The following CLN3 variants were observed in gnomAD, a reference collection of about 807,000 sequenced individuals.
CLN3 encodes the protein CLN3 lysosomal/endosomal transmembrane protein, battenin.
A neutral mutation model predicts 60.7 loss-of-function variants in CLN3; 49 were observed. The observed-to-expected ratio is 0.81, with a 90% confidence interval of 0.64 to 1.02. The LOEUF (loss-of-function observed/expected upper bound fraction) is 1.02, where lower values mean the gene tolerates loss of function less well. CLN3 is among the 50% of genes least tolerant of loss of function. CLN3 has a pLI of 0.00. For synonymous variants in CLN3, 256 were observed against 245.8 expected (o/e 1.04, Z -0.39); for missense variants, 516 against 557.4 (o/e 0.93, Z 0.75).
downstream of CLN3, among the ~76,000 whole-genome samples, chr16:28,475,033 T>C (rs2045980067): frequency 6.6e-6 from 1 of 152,224 alleles, no homozygotes; most frequent in Non-Finnish European, 1.5e-5. Context: ...GTGGATCACT[T>C]GAGCTCTGGA....
downstream of CLN3, among the ~76,000 whole-genome samples, chr16:28,474,506 C>G (rs750192470): frequency 6.6e-6 from 1 of 151,888 alleles, no homozygotes; most frequent in Admixed American, 6.6e-5. Context: ...TCACTTGAAC[C>G]GGGGAGACGG....
chr16:28,472,233 T>C (rs1490278460), downstream of CLN3, among the ~76,000 whole-genome samples: 1 of 151,860 alleles, frequency 6.6e-6, no homozygotes, highest in East Asian at 1.9e-4. Flanking sequence ...GGCAACATAG[T>C]GAGACACCGT....
At chr16:28,490,459 T>TA (rs2046294858) in intron 3 of CLN3, 2 of 77,454 alleles carry the variant, frequency 2.6e-5, no homozygotes, top group African/African-American at 9.7e-5. Context: ...TAAAATAAAA[T>TA]TAAAAAAAAA....
chr16:28,472,305 G>C (rs1038694825), downstream of CLN3, among the ~76,000 whole-genome samples: 2 of 151,472 alleles, frequency 1.3e-5, no homozygotes, highest in African/African-American at 4.8e-5. Context: ...GGCTGAGGCA[G>C]AGGAGCCCAG....
At chr16:28,471,835 GA>G (rs2045952327), downstream of CLN3, among the ~76,000 whole-genome samples, 7 of 151,528 alleles carry the variant, frequency 4.6e-5, no homozygotes, top group Admixed American at 4.6e-4. Flanking sequence ...ATGAGGGGGA[GA>G]AAACCAAGTT....
intron 9 of CLN3, among the ~76,000 whole-genome samples, chr16:28,485,924 C>T (rs1596560824): frequency 6.6e-6 from 1 of 152,066 alleles, no homozygotes; most frequent in East Asian, 1.9e-4. Context: ...CTATCAGAGT[C>T]CAGATTCCGC....
chr16:28,473,160 A>C (rs1426782917), downstream of CLN3, among the ~76,000 whole-genome samples: 2 of 151,012 alleles, frequency 1.3e-5, no homozygotes, highest in Admixed American at 1.3e-4. Context: ...GCTGGAGTGC[A>C]ATGGTTCAAT....
intron 14 of CLN3, among the ~76,000 whole-genome samples, chr16:28,480,631 T>C (rs1412748368): frequency 6.6e-6 from 1 of 151,994 alleles, no homozygotes. Flanking sequence ...AAACTCCTGA[T>C]CCTGACCTCA....
At chr16:28,470,588 G>T, downstream of CLN3, 3 of 53,102 alleles carry the variant, frequency 5.6e-5, no homozygotes, top group South Asian at 2.5e-4. Flanking sequence ...GGAGGGGAAG[G>T]GGAGGGGGAG....
chr16:28,481,629 A>T (rs2046097709), intron 14 of CLN3, among the ~76,000 whole-genome samples: 1 of 152,038 alleles, frequency 6.6e-6, no homozygotes, highest in Non-Finnish European at 1.5e-5. Context: ...CTGAGTACTG[A>T]AGCTCAGTTT....
intron 10 of CLN3, among the ~76,000 whole-genome samples, chr16:28,483,804 C>T (rs1009749683): frequency 2.0e-5 from 3 of 149,446 alleles, no homozygotes; most frequent in African/African-American, 7.4e-5. Flanking sequence ...GGTCCTCCTG[C>T]CTCAGCCTCC....
chr16:28,490,663 G>A (rs2046299158), intron 3 of CLN3, among the ~76,000 whole-genome samples: 1 of 150,212 alleles, frequency 6.7e-6, no homozygotes, highest in Non-Finnish European at 1.5e-5. Context: ...CGGAGGCTGA[G>A]GCAAAAGAAT....
chr16:28,491,112 AT>A (rs758947265), intron 3 of CLN3: 26 of 181,144 alleles, frequency 1.4e-4, no homozygotes, highest in Non-Finnish European at 2.3e-4. Context: ...AATTAAAAAA[AT>A]AAAAAAGTTT....
At chr16:28,475,500 T>TA (rs1336436725), downstream of CLN3, 1 of 152,270 alleles carries the variant, frequency 6.6e-6, no homozygotes, top group Non-Finnish European at 1.5e-5. Flanking sequence ...CCCAAGGTAA[T>TA]AGAGCTAGTG....
At chr16:28,491,375 T>G (rs2046310369) in intron 3 of CLN3, 107 bp downstream of exon 3, 3 of 1,455,436 alleles carry the variant, frequency 2.1e-6, no homozygotes, top group Non-Finnish European at 2.8e-6. Flanking sequence ...CAGTAAATAT[T>G]TGTGGGTTCA....
chr16:28,486,994 T>A, intron 7 of CLN3: 1 of 377,496 alleles, frequency 2.6e-6, no homozygotes, highest in East Asian at 6.1e-5. Flanking sequence ...CACTGCAACC[T>A]CTGCCTCCCA....
rs532573871 is a variant in CLN3 at position 28,477,406 on chromosome 16, C to G, written c.*110G>C. The G allele has an allele frequency of 1.1e-5, 16 of 1,479,568 alleles. No homozygotes were observed. The African/African-American group carries it at 2.2e-4, about 20-fold the overall frequency. The allele number at this position is 1,479,568 out of a possible 1,614,324, so 91.7% of individuals were successfully genotyped here. On this transcript the variant is annotated 3_prime_UTR_variant, in exon 16 of 16. Coordinates refer to ENST00000636147, the MANE Select transcript of CLN3 (RefSeq NM_001042432.2). ...AGCCCTTCCCTACTCCCAGACCTGC[C>G]GGGAAGGCTGGGAGCACAGTTCATG...
In CLN3 at chr16:28,487,714, T is replaced by C. The variant is rs1302804526; in HGVS notation, c.322A>G (p.Thr108Ala). 6.2e-7 allele frequency: 1 copy of C among 1,613,824 alleles called. No homozygotes were observed. Among genetic ancestry groups the C allele is most frequent in the Admixed American group, 1.7e-5 (1 of 59,970 alleles). ...GGAGCCAACAATTTGATGACGAGTG[T>C]GGGGAGGATGTCCGCCAGGAGCACA... ...AAVLLADILP[T>A]LVIKLLAPLG... Residue 108 changes from threonine (T) to alanine (A), a missense_variant, in exon 6 of 16, where the codon ACA becomes GCA. Thr to Ala is a moderately conservative substitution (Grantham distance 58). Transcript: ENST00000636147.
In CLN3 at chr16:28,481,142, C is replaced by T. The variant is rs148751427; in HGVS notation, c.1056+963G>A. 8.1e-3 allele frequency among the ~76,000 whole-genome samples: 1,233 copies of T among 152,112 alleles called. 14 individuals carry two copies. Among genetic ancestry groups the T allele is most frequent in the African/African-American group, 0.026 (1,072 of 41,520 alleles). On this transcript the variant is annotated intron_variant, in intron 14 of 15. Coordinates refer to ENST00000636147, the MANE Select transcript of CLN3 (RefSeq NM_001042432.2). ...TTTCTTTTTCTGGGAGACAGGGTCTCGCTCTATTGCCTAGGCTGGAGTGCA... is the reference window on the plus strand; with the variant it reads ...TTTCTTTTTCTGGGAGACAGGGTCTTGCTCTATTGCCTAGGCTGGAGTGCA...
Sources: gnomAD v4.1 joint callset for allele counts (sites outside exome capture counted in the v4.1 genomes callset) on GRCh38, gnomAD v4.1.1 for gene constraint, MANE v1.5 for transcripts, NCBI Gene and HGNC (gene_info 2026-07-23, HGNC 2026-07-21) for gene names.